DNHD1: variants seen among roughly 807,000 people sequenced by gnomAD.
DNHD1 encodes dynein heavy chain domain 1, also known as dynein heavy chain domain-containing protein 1.
DNHD1 carries 383 observed loss-of-function variants against 458.1 expected under a neutral mutation model. The observed-to-expected ratio is 0.84, with a 90% CI of 0.77 to 0.91. DNHD1 has a LOEUF of 0.91. Ranked by LOEUF, DNHD1 falls within the 40% of genes least tolerant of loss-of-function variation. The pLI is 0.00. For missense variants in DNHD1, 5,336 were observed against 5,866.1 expected, an observed-to-expected ratio of 0.91 and a Z score of 2.95; for synonymous variants, 2,203 against 2,376.9, an observed-to-expected ratio of 0.93 and a Z score of 2.13.
chr11:6,540,310 G>A (rs774509967), intron 18 of DNHD1, among the ~76,000 whole-genome samples: 1 of 152,112 alleles, frequency 6.6e-6, no homozygotes, highest in Non-Finnish European at 1.5e-5. Context: ...CAATGCCTGG[G>A]TCCTTCAGCA....
In DNHD1 at chr11:6,520,090, C is replaced by T; in HGVS notation, c.1773C>T (p.Thr591=). ...CTGGAGGCCTACAGTCTGTCAAGAC[C>T]TCTGCCTTGCAGGTATTCTGAATTG... is the stretch of plus-strand genomic sequence containing the variant. The part of the protein sequence containing the change: ...TLTGGLQSVK[T]SALQVVQSAD... Residue 591 remains threonine, a synonymous_variant, in exon 9 of 43, where the codon ACC becomes ACT. Coordinates refer to ENST00000254579, the MANE Select transcript of DNHD1 (RefSeq NM_144666.3). The T allele has an allele frequency of 6.2e-7, 1 of 1,614,156 alleles. No homozygotes were observed. The highest frequency in any genetic ancestry group is 8.5e-7 in the Non-Finnish European group (1 of 1,180,028).
Position 6,509,165 on chromosome 11 carries a change from G to A in DNHD1, c.1128G>A (p.Trp376Ter). The A allele has an allele frequency of 6.2e-7, 1 of 1,614,140 alleles. No individual in the cohort carries two copies. Among genetic ancestry groups the A allele is most frequent in the East Asian group, 2.2e-5 (1 of 44,886 alleles). ...ATCACTGACCTCTAATTTCTAGTTGGAAGAAGAATGTGAGATTACAGGGGC... is the reference window on the plus strand; with the variant it reads ...ATCACTGACCTCTAATTTCTAGTTGAAAGAAGAATGTGAGATTACAGGGGC... ...YCLLRKSFTCWKKNVRLQGLH... is the reference protein window; with the variant it reads ...YCLLRKSFTC Residue 376 changes from tryptophan (W) to a stop codon, truncating the protein, a stop_gained, in exon 6 of 43, where the codon TGG becomes TGA. Coordinates refer to ENST00000254579, the MANE Select transcript of DNHD1 (RefSeq NM_144666.3). LOFTEE classifies it high-confidence loss of function.
In DNHD1 at chr11:6,547,089, G is replaced by A; in HGVS notation, c.6150G>A (p.Trp2050Ter). 1 of 1,551,724 alleles carries A rather than the reference G, an allele frequency of 6.4e-7. No individual in the cohort carries two copies. Among genetic ancestry groups the A allele is most frequent in the South Asian group, 1.2e-5 (1 of 84,066 alleles). Residue 2050 changes from tryptophan to a stop codon, truncating the protein, a stop_gained, in exon 21 of 43, where the codon TGG (tryptophan) becomes TGA (stop). Coordinates refer to ENST00000254579, the MANE Select transcript of DNHD1 (RefSeq NM_144666.3). LOFTEE classifies it high-confidence loss of function. The part of the protein sequence containing the change: ...EFLGWLEGSC[W>*]HHGIFPKVLR... Reference sequence around the variant, plus strand: ...TGGGATGGCTAGAGGGCTCCTGCTGGCATCATGGCATCTTTCCCAAGGTAC... The same window carrying A: ...TGGGATGGCTAGAGGGCTCCTGCTGACATCATGGCATCTTTCCCAAGGTAC...
Position 6,570,326 on chromosome 11 carries a change from C to T in DNHD1, c.13035C>T (p.Ser4345=), listed in dbSNP as rs1853814418. The change falls in exon 41 of 43, where the codon AGC becomes AGT. Residue 4345 remains serine (S), a synonymous_variant. Transcript: ENST00000254579. The part of the protein sequence containing the change: ...ALISLTQACL[S]PSSGSWVQPH... The stretch of plus-strand genomic sequence containing the variant: ...TTAGCCTCACACAAGCCTGCCTGAG[C>T]CCCAGTAGTGGGAGCTGGGTCCAGC... 2 of 1,612,908 alleles carry T rather than the reference C, an allele frequency of 1.2e-6. No individual in the cohort carries two copies. Among genetic ancestry groups the T allele is most frequent in the African/African-American group, 2.7e-5 (2 of 74,888 alleles).
chr11:6,569,083 A>T (rs1337544021), intron 39 of DNHD1, among the ~76,000 whole-genome samples: 1 of 152,222 alleles, frequency 6.6e-6, no homozygotes, highest in African/African-American at 2.4e-5. Flanking sequence ...CTTTCTGAGC[A>T]GAGGGACCTA....
At chr11:6,558,776 C>T in intron 26 of DNHD1, 83 bp downstream of exon 26, 1 of 1,498,556 alleles carries the variant, frequency 6.7e-7, no homozygotes, top group Non-Finnish European at 9.0e-7. Flanking sequence ...TCTCTCTCTC[C>T]CTCTCTAGAG....
chr11:6,508,947 G>T lies in DNHD1; in HGVS notation c.988G>T (p.Gly330Trp). The T allele has an allele frequency of 6.2e-7, 1 of 1,614,132 alleles. No individual in the cohort carries two copies. Among genetic ancestry groups the T allele is most frequent in the Non-Finnish European group, 8.5e-7 (1 of 1,180,040 alleles). ...CGAGCACTACATCTTCTCTCCCTTT[G>T]GGATCTTGCATGTACATCCTGTGGA... ...NPEHYIFSPFGILHVHPVEGS... is the reference protein window; with the variant it reads ...NPEHYIFSPFWILHVHPVEGS... Residue 330 changes from glycine (G) to tryptophan (W), a missense_variant, in exon 5 of 43, where the codon GGG becomes TGG. Gly to Trp is a radical substitution (Grantham distance 184). Coordinates refer to ENST00000254579, the MANE Select transcript of DNHD1 (RefSeq NM_144666.3).
intron 30 of DNHD1, 24 bp from the exon 31 acceptor site, chr11:6,563,669 T>A: frequency 6.5e-7 from 1 of 1,543,570 alleles, no homozygotes; most frequent in Admixed American, 2.0e-5. Context: ...GGCTTCCCCA[T>A]CCCGTTAACA....
chr11:6,569,769 A>T (rs1268168610), intron 39 of DNHD1, among the ~76,000 whole-genome samples: 1 of 152,092 alleles, frequency 6.6e-6, no homozygotes, highest in East Asian at 1.9e-4. Context: ...GGTGTCGAGG[A>T]TGACTCTCAG....
At chr11:6,542,752 T>C (rs1432778907) in intron 18 of DNHD1, among the ~76,000 whole-genome samples, 2 of 152,218 alleles carry the variant, frequency 1.3e-5, no homozygotes, top group Non-Finnish European at 2.9e-5. Flanking sequence ...CACCTACAAA[T>C]TATTAATCTC....
chr11:6,569,358 C>T (rs1853786734), intron 39 of DNHD1, among the ~76,000 whole-genome samples: 1 of 152,122 alleles, frequency 6.6e-6, no homozygotes, highest in South Asian at 2.1e-4. Flanking sequence ...TGGCAGGTGC[C>T]TGTAGTCCCA....
chr11:6,521,684 A>G (rs1852606909), intron 10 of DNHD1, among the ~76,000 whole-genome samples: 1 of 152,236 alleles, frequency 6.6e-6, no homozygotes, highest in Non-Finnish European at 1.5e-5. Flanking sequence ...AAGGATCTGA[A>G]TGGAAAATCA....
intron 13 of DNHD1, 112 bp downstream of exon 13, chr11:6,533,296 A>C (rs1852867335): frequency 8.7e-7 from 1 of 1,154,064 alleles, no homozygotes; most frequent in African/African-American, 1.6e-5. Context: ...TGATGCTCTT[A>C]AACTGTGCTC....
At chr11:6,551,744 C>A (rs551959475) in intron 24 of DNHD1, among the ~76,000 whole-genome samples, 5 of 152,130 alleles carry the variant, frequency 3.3e-5, no homozygotes, top group Admixed American at 3.3e-4. Flanking sequence ...AGATGGAGAC[C>A]ATCCTGGCCA....
intron 28 of DNHD1, among the ~76,000 whole-genome samples, chr11:6,562,618 A>G (rs554561969): frequency 1.4e-4 from 22 of 152,308 alleles, no homozygotes; most frequent in African/African-American, 5.3e-4. Context: ...AGGAGAACAC[A>G]GTATCATGAA....
chr11:6,522,511 T>C (rs960728918), intron 10 of DNHD1, among the ~76,000 whole-genome samples: 9 of 152,110 alleles, frequency 5.9e-5, no homozygotes, highest in African/African-American at 1.9e-4. Context: ...AAAACAACTA[T>C]TGGGTACTAG....
At position 6,571,628 on chromosome 11, in the gene DNHD1, G is replaced by T; in HGVS notation, c.13912-8G>T. 6.4e-7 allele frequency: 1 copy of T among 1,551,568 alleles called. No individual in the cohort carries two copies. Among genetic ancestry groups the T allele is most frequent in the Non-Finnish European group, 8.7e-7 (1 of 1,145,406 alleles). On this transcript the variant is annotated splice_polypyrimidine_tract_variant and splice_region_variant and intron_variant, in intron 42 of 42. Transcript: ENST00000254579. The surrounding 1 kb of genome is among the most constrained non-coding windows in gnomAD (Gnocchi z 5.0). ...TAGCCTTGCCTGACCAGCTTCTGAC[G>T]CCCCCAGGTGGAGAATGGTCCAAAT...
intron 11 of DNHD1, 40 bp downstream of exon 11, chr11:6,528,827 A>AGAACTACGTGACGCTGG: frequency 6.5e-7 from 1 of 1,550,112 alleles, no homozygotes; most frequent in Admixed American, 2.0e-5. Context: ...CTGCCCACCA[A>AGAACTACGTGACGCTGG]TTCCCATTAT....
In DNHD1 at chr11:6,570,640, G is replaced by A; in HGVS notation, c.13128G>A (p.Met4376Ile). 1.2e-6 allele frequency: 2 copies of A among 1,609,710 alleles called. No homozygotes were observed. Among genetic ancestry groups the A allele is most frequent in the Non-Finnish European group, 1.7e-6 (2 of 1,177,786 alleles). The change falls in exon 42 of 43, where the codon ATG (methionine) becomes ATA (isoleucine). Residue 4376 changes from methionine (M) to isoleucine (I), a missense_variant. Physicochemically the swap from Met to Ile is conservative, Grantham distance 10. Transcript: ENST00000254579. ...PLPELRELDA[M>I]AECKAQMHLL... ...AAGAGCTAAGGGAGCTGGATGCAAT[G>A]GCAGAGTGCAAGGCCCAGATGCACC...
Sources: gnomAD v4.1 joint callset for allele counts (sites outside exome capture counted in the v4.1 genomes callset) on GRCh38, gnomAD v4.1.1 for gene constraint, Gnocchi (gnomAD v3.1) non-coding constraint, MANE v1.5 for transcripts, NCBI Gene and HGNC (gene_info 2026-07-23, HGNC 2026-07-21) for gene names.